Variants in PAM observed in about 807,000 individuals in gnomAD.
The protein encoded by PAM is peptidyl-glycine alpha-amidating monooxygenase.
PAM carries 72 observed loss-of-function variants against 122.1 expected under a neutral mutation model. The ratio of observed to expected loss-of-function variants is 0.59; its 90% CI spans 0.49 to 0.72. PAM has a LOEUF of 0.72. Among genes scored for constraint, PAM ranks in the 30% least tolerant of loss-of-function variants. The probability of loss-of-function intolerance (pLI) is 0.00; values close to 1 mark genes in which losing one functional copy is unlikely to be tolerated. For missense variants in PAM, 1,106 were observed against 1,183.7 expected (o/e 0.93, Z 0.96); for synonymous variants, 389 against 404.4 (o/e 0.96, Z 0.46).
At chr5:103,002,600 A>C (rs183103261) in intron 16 of PAM, among the ~76,000 whole-genome samples, 310 of 152,332 alleles carry the variant, frequency 2.0e-3, no homozygotes, top group Non-Finnish European at 3.7e-3. Context: ...ATTATAATTA[A>C]TGACAAAGTT....
At chr5:102,764,395 A>T (rs1008914477) in intron 1 of PAM, among the ~76,000 whole-genome samples, 8 of 152,104 alleles carry the variant, frequency 5.3e-5, no homozygotes, top group Non-Finnish European at 1.2e-4. Context: ...AGGATGGTCA[A>T]CAAAAACCTC....
At chr5:103,007,715 T>C (rs1779456146) in intron 20 of PAM, 58 bp downstream of exon 20, 1 of 1,085,552 alleles carries the variant, frequency 9.2e-7, no homozygotes, top group Non-Finnish European at 1.4e-6. Flanking sequence ...TCCTTAAAAA[T>C]TGTGTTATCT....
intron 4 of PAM, among the ~76,000 whole-genome samples, chr5:102,902,798 G>T (rs10038600): frequency 0.26 from 40,021 of 151,198 alleles, 5,699 homozygotes; most frequent in Non-Finnish European, 0.3. Context: ...CAGCTATGAA[G>T]AGAAGGCCAC....
intron 8 of PAM, among the ~76,000 whole-genome samples, chr5:102,947,364 G>A (rs939643846): frequency 5.3e-5 from 8 of 152,142 alleles, no homozygotes; most frequent in South Asian, 2.1e-4. Context: ...GTTCAAAATG[G>A]CATACCATCA....
intron 1 of PAM, among the ~76,000 whole-genome samples, chr5:102,858,941 A>C (rs1456737090): frequency 1.3e-5 from 2 of 152,234 alleles, no homozygotes; most frequent in Non-Finnish European, 2.9e-5. Flanking sequence ...TCACCTAGTA[A>C]CATCGTAGTC....
intron 1 of PAM, among the ~76,000 whole-genome samples, chr5:102,816,969 A>G (rs1770049616): frequency 6.6e-6 from 1 of 152,082 alleles, no homozygotes; most frequent in Admixed American, 6.6e-5. Context: ...TCCCTCTACC[A>G]AACTTGCTCT....
chr5:102,851,316 T>A (rs576816782), intron 1 of PAM, among the ~76,000 whole-genome samples: 1 of 152,324 alleles, frequency 6.6e-6, no homozygotes, highest in African/African-American at 2.4e-5. Context: ...TTTAATGGTA[T>A]CTCATTTGGT....
At chr5:102,972,360 C>G (rs1026295897) in intron 14 of PAM, among the ~76,000 whole-genome samples, 1 of 152,164 alleles carries the variant, frequency 6.6e-6, no homozygotes, top group Non-Finnish European at 1.5e-5. Context: ...TAGCTCACTG[C>G]AGCCTTGAAC....
intron 1 of PAM, among the ~76,000 whole-genome samples, chr5:102,853,952 T>C (rs934049840): frequency 1.3e-5 from 2 of 152,254 alleles, no homozygotes; most frequent in Non-Finnish European, 2.9e-5. Context: ...GATTCAGTAA[T>C]GATTCAGCTT....
intron 1 of PAM, among the ~76,000 whole-genome samples, chr5:102,853,539 C>T (rs936499497): frequency 2.6e-5 from 4 of 152,146 alleles, no homozygotes; most frequent in African/African-American, 9.7e-5. Flanking sequence ...CCATTGATAA[C>T]GCTAAACCTG....
intron 15 of PAM, among the ~76,000 whole-genome samples, chr5:102,987,745 G>A (rs188666631): frequency 1.4e-4 from 22 of 152,188 alleles, no homozygotes; most frequent in South Asian, 1.0e-3. Flanking sequence ...GACAAGCAAG[G>A]GTGATAGATG....
intron 1 of PAM, among the ~76,000 whole-genome samples, chr5:102,852,296 C>T (rs1781522187): frequency 6.6e-6 from 1 of 152,110 alleles, no homozygotes; most frequent in Non-Finnish European, 1.5e-5. Flanking sequence ...TGGAATTTTA[C>T]AGGTTTTGAC....
chr5:102,926,208 C>T (rs916989634), intron 6 of PAM, among the ~76,000 whole-genome samples: 1 of 152,118 alleles, frequency 6.6e-6, no homozygotes, highest in African/African-American at 2.4e-5. Context: ...CATTCTCCTG[C>T]CTCAGCCTCC....
chr5:102,985,645 T>C (rs1480929374), intron 15 of PAM, among the ~76,000 whole-genome samples: 1 of 152,080 alleles, frequency 6.6e-6, no homozygotes, highest in Non-Finnish European at 1.5e-5. Context: ...GACCAGATGG[T>C]ACTGCTGAAT....
intron 1 of PAM, among the ~76,000 whole-genome samples, chr5:102,833,815 C>T (rs1438986435): frequency 6.6e-6 from 1 of 152,008 alleles, no homozygotes; most frequent in Non-Finnish European, 1.5e-5. Context: ...TACCCCTGTC[C>T]CCAGGAAGCC....
At chr5:102,762,630 A>G (rs1392111789) in intron 1 of PAM, among the ~76,000 whole-genome samples, 1 of 152,130 alleles carries the variant, frequency 6.6e-6, no homozygotes, top group Non-Finnish European at 1.5e-5. Context: ...GAGAATTTAG[A>G]ATTATATTGG....
At chr5:102,961,115 T>A (rs1762363595) in intron 13 of PAM, 43 bp from the exon 14 acceptor site, 1 of 987,360 alleles carries the variant, frequency 1.0e-6, no homozygotes, top group Non-Finnish European at 1.6e-6. Context: ...AAGTATGTAA[T>A]ACATACTGCA....
intron 15 of PAM, among the ~76,000 whole-genome samples, chr5:102,978,098 G>A (rs1768366612): frequency 1.3e-5 from 2 of 152,228 alleles, no homozygotes; most frequent in African/African-American, 4.8e-5. Flanking sequence ...AAATACCAAA[G>A]TATAAATATT....
intron 12 of PAM, among the ~76,000 whole-genome samples, chr5:102,957,952 A>T (rs895625444): frequency 2.0e-5 from 3 of 152,220 alleles, no homozygotes; most frequent in African/African-American, 7.2e-5. Context: ...TCCCTCTCTA[A>T]GTATTTTATA....
Sources: gnomAD v4.1 joint callset for allele counts (sites outside exome capture counted in the v4.1 genomes callset) on GRCh38, gnomAD v4.1.1 for gene constraint, MANE v1.5 for transcripts, NCBI Gene and HGNC (gene_info 2026-07-23, HGNC 2026-07-21) for gene names.